AK2: variants seen among roughly 807,000 people sequenced by gnomAD.
The protein encoded by AK2 is adenylate kinase 2, mitochondrial.
In AK2, 15 loss-of-function variants were observed where a neutral mutation model predicts 24.6. That is an observed-to-expected ratio of 0.61 (90% CI 0.41 to 0.94). AK2 has a LOEUF of 0.94. AK2 is among the 40% of genes least tolerant of loss of function. The pLI, the probability that AK2 is intolerant of heterozygous loss-of-function variation, is 0.00. For synonymous variants in AK2, 102 were observed against 114.0 expected (o/e 0.90, Z 0.67); for missense variants, 257 against 304.1 (o/e 0.85, Z 1.15).
At position 33,014,522 on chromosome 1, in the gene AK2, G is replaced by A. The variant is rs747101216; in HGVS notation, c.498C>T (p.Asp166=). ...FNPPKEPMKD[D]ITGEPLIRRS... ...AATTTTTTGTCCTGAGTTTACATAC[G>A]TCATCTTTCATGGGCTCTTTTGGAG... Residue 166 remains aspartate (D), a splice_region_variant and synonymous_variant, in exon 5 of 6, where the codon GAC becomes GAT. Coordinates refer to ENST00000672715, the MANE Select transcript of AK2 (RefSeq NM_001625.4). 9.3e-6 allele frequency: 15 copies of A among 1,611,174 alleles called. No individual in the cohort carries two copies. In the Admixed American group the frequency reaches 1.3e-4, roughly 14 times the overall value.
At chr1:33,021,732 G>T in intron 2 of AK2, 29 bp from the exon 3 acceptor site, 1 of 1,564,504 alleles carries the variant, frequency 6.4e-7, no homozygotes, top group Non-Finnish European at 8.8e-7. Context: ...ATAGCCTTGG[G>T]TTTAAATCCA....
chr1:33,014,447 GA>G (rs1639046996), intron 5 of AK2, 74 bp downstream of exon 5: 1 of 1,185,252 alleles, frequency 8.4e-7, no homozygotes, highest in East Asian at 2.5e-5. Context: ...AAGATGGAAA[GA>G]ATAAAGGAAA....
At chr1:33,033,955 ACT>A (rs1433918002) in intron 1 of AK2, among the ~76,000 whole-genome samples, 1 of 151,898 alleles carries the variant, frequency 6.6e-6, no homozygotes, top group Non-Finnish European at 1.5e-5. Context: ...CTCACTACAA[ACT>A]CTGCCTCCAA....
intron 1 of AK2, among the ~76,000 whole-genome samples, chr1:33,035,887 TATAAAC>T (rs1640547187): frequency 1.3e-5 from 2 of 151,380 alleles, no homozygotes; most frequent in Admixed American, 6.6e-5. Flanking sequence ...TCAAGTTCCC[TATAAAC>T]AACAACAAAA....
At chr1:33,014,477 AGGG>A in intron 5 of AK2, 42 bp downstream of exon 5, 1 of 1,429,874 alleles carries the variant, frequency 7.0e-7, no homozygotes, top group Non-Finnish European at 9.9e-7. Flanking sequence ...CAGTGAAGAA[AGGG>A]GAAGGAAAGA....
At chr1:33,022,584 T>G (rs1639631029) in intron 2 of AK2, among the ~76,000 whole-genome samples, 1 of 152,016 alleles carries the variant, frequency 6.6e-6, no homozygotes, top group Non-Finnish European at 1.5e-5. Flanking sequence ...CTCGAACTGG[T>G]GACCTCAAGT....
At chr1:33,027,884 A>AG (rs1640000458) in intron 1 of AK2, among the ~76,000 whole-genome samples, 1 of 152,186 alleles carries the variant, frequency 6.6e-6, no homozygotes, top group Admixed American at 6.5e-5. Flanking sequence ...CTTGATTCCT[A>AG]GCTAAGGCAC....
chr1:33,012,987 C>A lies in AK2; in HGVS notation c.*194G>T. 6.5e-7 allele frequency: 1 copy of A among 1,534,646 alleles called. No homozygotes were observed. Among genetic ancestry groups the A allele is most frequent in the African/African-American group, 1.4e-5 (1 of 73,330 alleles). ...CAGAGTGAACACATATGTGCATGCA[C>A]ACACACACACACACAACACACATAC... On this transcript the variant is annotated 3_prime_UTR_variant, in exon 6 of 6. Coordinates refer to ENST00000672715, the MANE Select transcript of AK2 (RefSeq NM_001625.4).
rs951746017 is a variant in AK2, at chr1:33,011,133, A to C, written c.*2048T>G. The C allele has an allele frequency of 7.2e-7, 1 of 1,395,882 alleles. No individual in the cohort carries two copies. Among genetic ancestry groups the C allele is most frequent in the African/African-American group, 1.5e-5 (1 of 68,928 alleles). The allele number at this position is 1,395,882 out of a possible 1,614,324, so 86.5% of individuals were successfully genotyped here. ...ACGTGAATCTATGTGGACGGATGACAAATATTTGGGCAAGGATCATGCACA... is the reference window on the plus strand; with the variant it reads ...ACGTGAATCTATGTGGACGGATGACCAATATTTGGGCAAGGATCATGCACA... On this transcript the variant is annotated 3_prime_UTR_variant, in exon 6 of 6. Transcript: ENST00000672715.
chr1:33,020,002 G>A (rs966618173), intron 4 of AK2: 6 of 1,501,712 alleles, frequency 4.0e-6, no homozygotes, highest in African/African-American at 1.4e-5. Flanking sequence ...AGAAGGGAAT[G>A]GAGGGTCCAT....
rs919825229 is a variant in AK2, at chr1:33,021,648, C to T, written c.275G>A (p.Cys92Tyr). The T allele has an allele frequency of 6.2e-7, 1 of 1,614,052 alleles. No individual in the cohort carries two copies. The highest frequency in any genetic ancestry group is 8.5e-7 in the Non-Finnish European group (1 of 1,180,028). Residue 92 changes from cysteine (C) to tyrosine (Y), a missense_variant, in exon 3 of 6, where the codon TGC (cysteine) becomes TAC (tyrosine). Physicochemically the swap from Cys to Tyr is radical, Grantham distance 194 (BLOSUM62 -2). Coordinates refer to ENST00000672715, the MANE Select transcript of AK2 (RefSeq NM_001625.4). ...GCCATCCAGAAGAAAACCATTTTTG[C>T]ACAAGGGGGTCTCCAAATTCTTCTC... is the stretch of plus-strand genomic sequence containing the variant. ...LIEKNLETPL[C>Y]KNGFLLDGFP...
chr1:33,013,190 C>T lies in AK2; in HGVS notation c.711G>A (p.Met237Ile), dbSNP rs1464104544. Residue 237 changes from methionine to isoleucine, a missense_variant, in exon 6 of 6, where the codon ATG becomes ATA. By Grantham distance (10) the Met-to-Ile change is conservative. Coordinates refer to ENST00000672715, the MANE Select transcript of AK2 (RefSeq NM_001625.4). ...FSKATCKDLV[M>I]FI ...CTTCTTGGACCCAACATTAGATAAA[C>T]ATAACCAAGTCTTTACATGTGGCTT... 2 of 1,614,218 alleles carry T rather than the reference C, an allele frequency of 1.2e-6. No homozygotes were observed.
At chr1:33,020,040 C>T (rs1459240997) in intron 4 of AK2, 1 of 1,531,784 alleles carries the variant, frequency 6.5e-7, no homozygotes, top group East Asian at 2.5e-5. Context: ...TGTCATACTT[C>T]TGGAAGGCAC....
At chr1:33,027,568 T>C (rs1639973620) in intron 1 of AK2, among the ~76,000 whole-genome samples, 1 of 151,900 alleles carries the variant, frequency 6.6e-6, no homozygotes, top group Non-Finnish European at 1.5e-5. Context: ...GCCAAGATGG[T>C]GAAACCCCGT....
In AK2 at chr1:33,012,156, G is replaced by A; in HGVS notation, c.*1025C>T. On this transcript the variant is annotated 3_prime_UTR_variant, in exon 6 of 6. Coordinates refer to ENST00000672715, the MANE Select transcript of AK2 (RefSeq NM_001625.4). ...TCAGAAGACAATCTGAATTCAAAAG[G>A]ACCTTTCACCTGGTTTAATTCTCTG... The A allele has an allele frequency of 6.5e-7, 1 of 1,535,376 alleles. No homozygotes were observed. Among genetic ancestry groups the A allele is most frequent in the Non-Finnish European group, 8.7e-7 (1 of 1,146,724 alleles).
intron 1 of AK2, chr1:33,031,844 G>A: frequency 2.9e-6 from 1 of 347,702 alleles, no homozygotes; most frequent in Non-Finnish European, 5.8e-6. Flanking sequence ...ACATACCTTT[G>A]GTTTTGACCA....
intron 4 of AK2, among the ~76,000 whole-genome samples, chr1:33,016,432 C>T (rs1287744116): frequency 6.6e-6 from 1 of 151,940 alleles, no homozygotes; most frequent in Non-Finnish European, 1.5e-5. Flanking sequence ...AGGATGGTCT[C>T]GATCTCCTGA....
At chr1:33,031,217 A>G (rs1640215559) in intron 1 of AK2, 1 of 160,064 alleles carries the variant, frequency 6.2e-6, no homozygotes. Flanking sequence ...CTGCACTTGT[A>G]TGTATTTTTC....
In AK2 at chr1:33,019,743, A is replaced by AT. The variant is rs773436916; in HGVS notation, c.425+1623dup. On this transcript the variant is annotated intron_variant, in intron 4 of 5. Transcript: ENST00000672715. ...GTAATAATGTCTGAAATAAGAAAAC[A>AT]TTTTTTCCCTAATCCAAAAATTTAC... The AT allele has an allele frequency of 5.9e-4, 620 of 1,043,444 alleles. 1 individual carries two copies. Among genetic ancestry groups the AT allele is most frequent in the Non-Finnish European group, 6.8e-4 (593 of 866,546 alleles). The allele number at this position is 1,043,444 out of a possible 1,614,324, so 64.6% of individuals were successfully genotyped here.
Sources: gnomAD v4.1 joint callset for allele counts (sites outside exome capture counted in the v4.1 genomes callset) on GRCh38, gnomAD v4.1.1 for gene constraint, MANE v1.5 for transcripts, NCBI Gene and HGNC (gene_info 2026-07-23, HGNC 2026-07-21) for gene names.